The following MAGI2 variants were observed in gnomAD, a reference collection of about 807,000 sequenced individuals.
MAGI2 encodes the protein membrane associated guanylate kinase, WW and PDZ domain containing 2.
Under a neutral mutation model 133.3 loss-of-function variants are expected in MAGI2, and 35 were observed. The observed-to-expected ratio is 0.26, with a 90% CI of 0.20 to 0.35. MAGI2 has a LOEUF of 0.35. Among genes scored for constraint, MAGI2 ranks in the 10% least tolerant of loss-of-function variants. The pLI is 1.00. For synonymous variants in MAGI2, 729 were observed against 710.6 expected (o/e 1.03, Z -0.41); for missense variants, 1,636 against 1,863.4 (o/e 0.88, Z 2.25).
At chr7:78,660,706 T>C (rs1298310201) in intron 2 of MAGI2, among the ~76,000 whole-genome samples, 1 of 152,240 alleles carries the variant, frequency 6.6e-6, no homozygotes, top group Non-Finnish European at 1.5e-5. Flanking sequence ...TGAATATCTT[T>C]TTACTTAGAA....
At chr7:78,555,372 TACATATCAA>T (rs1799732892) in intron 3 of MAGI2, among the ~76,000 whole-genome samples, 1 of 152,052 alleles carries the variant, frequency 6.6e-6, no homozygotes, top group African/African-American at 2.4e-5. Context: ...CAGGCCCAAG[TACATATCAA>T]ATTTAGTTTC....
chr7:78,996,194 T>A (rs986132355), intron 2 of MAGI2, among the ~76,000 whole-genome samples: 1 of 152,128 alleles, frequency 6.6e-6, no homozygotes, highest in Non-Finnish European at 1.5e-5. Flanking sequence ...AATATGCATA[T>A]ATCTTACTGA....
intron 1 of MAGI2, among the ~76,000 whole-genome samples, chr7:79,137,112 C>T (rs1821651183): frequency 6.6e-6 from 1 of 152,026 alleles, no homozygotes; most frequent in South Asian, 2.1e-4. Context: ...TTGACTGAGG[C>T]TGGGGTGGCT....
chr7:79,437,245 A>G (rs1848207136), intron 1 of MAGI2, among the ~76,000 whole-genome samples: 1 of 152,136 alleles, frequency 6.6e-6, no homozygotes, highest in Non-Finnish European at 1.5e-5. Flanking sequence ...GTTGGGTACT[A>G]TGTAACTATC....
chr7:78,335,742 A>G (rs1562844569), intron 9 of MAGI2, among the ~76,000 whole-genome samples: 2 of 152,172 alleles, frequency 1.3e-5, no homozygotes, highest in Non-Finnish European at 2.9e-5. Flanking sequence ...TTGGGGGAAA[A>G]TATGATTATT....
intron 1 of MAGI2, among the ~76,000 whole-genome samples, chr7:79,435,100 A>G (rs1293193171): frequency 6.6e-6 from 1 of 152,194 alleles, no homozygotes; most frequent in East Asian, 1.9e-4. Flanking sequence ...CTGATCCTGC[A>G]GATCTCAGGA....
chr7:78,581,637 TTC>T (rs574170691), intron 3 of MAGI2, among the ~76,000 whole-genome samples: 18 of 152,210 alleles, frequency 1.2e-4, no homozygotes, highest in Non-Finnish European at 1.9e-4. Context: ...AGAAATATCT[TTC>T]TCTCTCATTG....
intron 2 of MAGI2, among the ~76,000 whole-genome samples, chr7:78,896,421 G>T (rs558026948): frequency 1.3e-4 from 20 of 151,670 alleles, no homozygotes; most frequent in African/African-American, 4.8e-4. Flanking sequence ...AACAGGTAAA[G>T]CTCCTCATTG....
At chr7:79,165,738 T>A (rs1485194160) in intron 1 of MAGI2, among the ~76,000 whole-genome samples, 1 of 152,114 alleles carries the variant, frequency 6.6e-6, no homozygotes, top group Non-Finnish European at 1.5e-5. Flanking sequence ...AATACTAAAT[T>A]ATAAACTCAT....
chr7:78,486,966 G>T, intron 6 of MAGI2: 1 of 526,416 alleles, frequency 1.9e-6, no homozygotes. Flanking sequence ...TCCATGGCTG[G>T]CAGTGGAAAT....
At chr7:78,631,884 C>T (rs1227327289) in intron 2 of MAGI2, among the ~76,000 whole-genome samples, 4 of 152,186 alleles carry the variant, frequency 2.6e-5, no homozygotes, top group East Asian at 1.9e-4. Context: ...AGTATTACCT[C>T]GAGCAAGGTT....
intron 1 of MAGI2, among the ~76,000 whole-genome samples, chr7:79,277,348 C>A (rs750475701): frequency 6.6e-6 from 1 of 151,986 alleles, no homozygotes; most frequent in African/African-American, 2.4e-5. Flanking sequence ...TTTTTTTAGA[C>A]ATAATGCCAT....
chr7:78,855,305 G>T (rs941387481), intron 2 of MAGI2, among the ~76,000 whole-genome samples: 27 of 152,138 alleles, frequency 1.8e-4, no homozygotes, highest in African/African-American at 5.8e-4. Flanking sequence ...TGCACAACTT[G>T]CAGGTTTGTA....
intron 2 of MAGI2, among the ~76,000 whole-genome samples, chr7:78,917,907 T>C (rs1584386499): frequency 6.6e-6 from 1 of 152,200 alleles, no homozygotes; most frequent in South Asian, 2.1e-4. Flanking sequence ...AGGGGGAGAA[T>C]GGTGCATTGA....
intron 6 of MAGI2, among the ~76,000 whole-genome samples, chr7:78,411,966 C>T (rs1463454964): frequency 6.6e-6 from 1 of 151,906 alleles, no homozygotes; most frequent in Non-Finnish European, 1.5e-5. Context: ...AATTTTGGTC[C>T]TAAGGCTTTG....
intron 1 of MAGI2, among the ~76,000 whole-genome samples, chr7:79,270,348 C>T (rs1399311630): frequency 4.0e-5 from 6 of 151,002 alleles, no homozygotes; most frequent in South Asian, 2.1e-4. Flanking sequence ...GTTTTGTCTG[C>T]GTAGTGGGCG....
At position 78,608,225 on chromosome 7, in the gene MAGI2, G is replaced by A. The variant is rs60793047; in HGVS notation, c.538+18895C>T. On this transcript the variant is annotated intron_variant, in intron 3 of 21. Transcript: ENST00000354212. ...TACCTTTCACATCTTTGCTTTGGTG[G>A]GGGTGGAGTCATAGCATAACCCTTC... Among the ~76,000 whole-genome samples the A allele has an allele frequency of 4.4e-3, 663 of 151,994 alleles. 25 individuals are homozygous for A. The East Asian group carries it at 0.095, about 22-fold the overall frequency.
intron 2 of MAGI2, among the ~76,000 whole-genome samples, chr7:78,868,080 T>C (rs1459743016): frequency 6.6e-6 from 1 of 152,154 alleles, no homozygotes; most frequent in Non-Finnish European, 1.5e-5. Flanking sequence ...CTGGAAATAC[T>C]GCAAAAAGAT....
At chr7:78,269,071 T>C (rs1794307262) in intron 9 of MAGI2, among the ~76,000 whole-genome samples, 1 of 152,110 alleles carries the variant, frequency 6.6e-6, no homozygotes. Flanking sequence ...TTGCTGAGAA[T>C]GATGTTTTCT....
Sources: gnomAD v4.1 joint callset for allele counts (sites outside exome capture counted in the v4.1 genomes callset) on GRCh38, gnomAD v4.1.1 for gene constraint, MANE v1.5 for transcripts, NCBI Gene and HGNC (gene_info 2026-07-23, HGNC 2026-07-21) for gene names.